The following IL4I1 variants were observed in gnomAD, a reference collection of about 807,000 sequenced individuals.
IL4I1 encodes L-amino-acid oxidase.
Under a neutral mutation model 29.7 loss-of-function variants are expected in IL4I1, and 24 were observed. The observed-to-expected ratio is 0.81, with a 90% CI of 0.59 to 1.14. IL4I1 has a LOEUF of 1.14. IL4I1 is among the 50% of genes most tolerant of loss of function. The pLI is 0.00. For missense variants in IL4I1, 686 were observed against 785.6 expected (o/e 0.87, Z 1.52); for synonymous variants, 371 against 352.5 (o/e 1.05, Z -0.59).
chr19:49,900,885 A>C (rs1471853943), upstream of IL4I1, among the ~76,000 whole-genome samples: 1 of 152,202 alleles, frequency 6.6e-6, no homozygotes, highest in Non-Finnish European at 1.5e-5. Flanking sequence ...CTAGAACCAC[A>C]ATGATGGTTT....
chr19:49,896,189 T>G lies in IL4I1; in HGVS notation c.-22-7A>C, dbSNP rs1204117290. The G allele has an allele frequency of 6.8e-7, 1 of 1,462,728 alleles. No homozygotes were observed. The allele number at this position is 1,462,728 out of a possible 1,614,324, so 90.6% of individuals were successfully genotyped here. A position where few individuals can be genotyped will look rare whatever the true frequency, so the allele number is the denominator to read the frequency against. On this transcript the variant is annotated splice_region_variant and splice_polypyrimidine_tract_variant and intron_variant, in intron 1 of 7. Coordinates refer to ENST00000391826, the MANE Select transcript of IL4I1 (RefSeq NM_152899.2). ...TCTCGGTGGGAGATGGTGTCTGGGGTGGAGGAGAAGGGAGGGCTGTTGTGA... is the reference window on the plus strand; with the variant it reads ...TCTCGGTGGGAGATGGTGTCTGGGGGGGAGGAGAAGGGAGGGCTGTTGTGA...
intron 5 of IL4I1, among the ~76,000 whole-genome samples, chr19:49,892,244 G>A (rs2075149344): frequency 6.6e-6 from 1 of 151,854 alleles, no homozygotes; most frequent in Admixed American, 6.6e-5. Context: ...ACCACACCTG[G>A]CTCATTTTTG....
At chr19:49,895,703 C>CCCCAACCCCCCCCCCCCCCCCCCA in intron 3 of IL4I1, 112 bp downstream of exon 3, 1 of 754,232 alleles carries the variant, frequency 1.3e-6, no homozygotes, top group Non-Finnish European at 2.2e-6. Context: ...GCCTCTCCCC[C>CCCCAACCCCCCCCCCCCCCCCCCA]CACATCCCCA....
At chr19:49,908,985 C>T in intron 2 of IL4I1, 1 of 1,609,246 alleles carries the variant, frequency 6.2e-7, no homozygotes. Flanking sequence ...GTGGCGGTGG[C>T]AGCGGTGGAT....
chr19:49,919,414 T>A (rs1182273500), intron 2 of IL4I1, among the ~76,000 whole-genome samples: 1 of 152,176 alleles, frequency 6.6e-6, no homozygotes, highest in African/African-American at 2.4e-5. Context: ...TTATGTATCT[T>A]AGAAATCGTT....
intron 2 of IL4I1, among the ~76,000 whole-genome samples, chr19:49,915,134 AG>A (rs762621567): frequency 6.6e-6 from 1 of 152,104 alleles, no homozygotes; most frequent in Non-Finnish European, 1.5e-5. Flanking sequence ...AGGAAGAATT[AG>A]GAAGGATGTG....
chr19:49,901,552 G>A (rs906295220), upstream of IL4I1: 2 of 870,640 alleles, frequency 2.3e-6, no homozygotes, highest in African/African-American at 1.7e-5. Flanking sequence ...CCAATCTTTG[G>A]CCTGACCCCA....
Position 49,896,071 on chromosome 19 carries a change from G to C in IL4I1, c.14-18C>G. The C allele has an allele frequency of 6.2e-7, 1 of 1,611,000 alleles. No homozygotes were observed. The highest frequency in any genetic ancestry group is 8.5e-7 in the Non-Finnish European group (1 of 1,178,324). ...GTGCAGGGCTGGGAGGAGGAGGACA[G>C]GGTCAACGGGGTTGTGGCAGGTCGG... On this transcript the variant is annotated intron_variant, in intron 2 of 7. Transcript: ENST00000391826.
Position 49,908,710 on chromosome 19 carries a change from G to T in IL4I1, c.-227-4389C>A, listed in dbSNP as rs564436380. The T allele has an allele frequency of 4.3e-6, 7 of 1,612,630 alleles. No homozygotes were observed. The African/African-American group carries it at 5.3e-5, about 12-fold the overall frequency. On this transcript the variant is annotated intron_variant, in intron 2 of 9. Transcript: ENST00000341114. ...GGCTGGTGATCTTTTCTCCATTCTC[G>T]ATCAGCGTGCGGTCCCAGGCGTTGA...
Position 49,891,018 on chromosome 19 carries a change from G to T in IL4I1, c.726C>A (p.Ser242Arg). 3 of 1,606,608 alleles carry T rather than the reference G, an allele frequency of 1.9e-6. No individual in the cohort carries two copies. The highest frequency in any genetic ancestry group is 1.7e-4 in the Middle Eastern group (1 of 6,020). The change falls in exon 7 of 8, where the codon AGC becomes AGA. Residue 242 changes from serine to arginine, a missense_variant. Ser to Arg is a moderately radical substitution (Grantham distance 110). Coordinates refer to ENST00000391826, the MANE Select transcript of IL4I1 (RefSeq NM_152899.2). ...VMSEDGFFYL[S>R]FAEALRAHSC... is the part of the protein sequence containing the mutation. The stretch of plus-strand genomic sequence containing the variant: ...TGTGGGCCCGGAGGGCCTCGGCGAA[G>T]CTGAGATAGAAGAAGCCATCCTCGG...
intron 2 of IL4I1, chr19:49,907,395 T>A (rs758048701): frequency 2.0e-4 from 76 of 376,134 alleles, no homozygotes; most frequent in Non-Finnish European, 3.4e-4. Context: ...TGCAGGCCCC[T>A]CAGCTGACCT....
rs758442007 is a variant in IL4I1, at chr19:49,891,061, A to G, written c.683T>C (p.Leu228Pro). 19 of 1,613,428 alleles carry G rather than the reference A, an allele frequency of 1.2e-5. No homozygotes were observed. Among genetic ancestry groups the G allele is most frequent in the African/African-American group, 5.3e-5 (4 of 74,870 alleles). Residue 228 changes from leucine (L) to proline (P), a missense_variant, in exon 7 of 8, where the codon CTT becomes CCT. By Grantham distance (98) the Leu-to-Pro change is moderately conservative (BLOSUM62 -3). Transcript: ENST00000391826. ...EGNLSRPAVQLLGDVMSEDGF... is the reference protein window; with the variant it reads ...EGNLSRPAVQPLGDVMSEDGF... Reference sequence around the variant, plus strand: ...ATCCTCGGACATCACGTCTCCCAGAAGCTGCACGGCCGGCCGGCTCAGGTT... The same window carrying G: ...ATCCTCGGACATCACGTCTCCCAGAGGCTGCACGGCCGGCCGGCTCAGGTT...
At chr19:49,910,841 C>A (rs567840607) in intron 2 of IL4I1, among the ~76,000 whole-genome samples, 1 of 152,182 alleles carries the variant, frequency 6.6e-6, no homozygotes, top group South Asian at 2.1e-4. Context: ...GTGGTGCCAT[C>A]TATCAGCAGG....
At chr19:49,909,860 G>A (rs926035240) in intron 2 of IL4I1, 17 of 1,573,090 alleles carry the variant, frequency 1.1e-5, no homozygotes, top group African/African-American at 8.1e-5. Flanking sequence ...CAAATCCGTC[G>A]GTGTCTGCAG....
chr19:49,914,726 G>GTATTTTT (rs2075575543), intron 2 of IL4I1, among the ~76,000 whole-genome samples: 1 of 56,362 alleles, frequency 1.8e-5, no homozygotes, highest in Non-Finnish European at 3.2e-5. Flanking sequence ...CCAAGTCCCA[G>GTATTTTT]TTTTTTTTTT....
At position 49,889,691 on chromosome 19, in the gene IL4I1, G is replaced by C. The variant is rs754147338; in HGVS notation, c.1683C>G (p.Thr561=). 6.7e-7 allele frequency: 1 copy of C among 1,501,988 alleles called. No homozygotes were observed. Among genetic ancestry groups the C allele is most frequent in the South Asian group, 1.4e-5 (1 of 72,390 alleles). The allele number at this position is 1,501,988 out of a possible 1,614,324, so 93.0% of individuals were successfully genotyped here. The stretch of plus-strand genomic sequence containing the variant: ...TACTTTAATGCGAGGTCCTCGTGTG[G>C]GTCGTGTTTTGGAGAGATAACTGGC... The part of the protein sequence containing the change: ...VQGQLSLQNT[T]HTRTSH The change falls in exon 8 of 8, where the codon ACC becomes ACG. Residue 561 remains threonine, a synonymous_variant. Transcript: ENST00000391826.
chr19:49,895,429 C>T (rs1217902605), intron 3 of IL4I1, among the ~76,000 whole-genome samples: 1 of 152,160 alleles, frequency 6.6e-6, no homozygotes, highest in East Asian at 1.9e-4. Context: ...GGAGATGACC[C>T]ATATGCGTAG....
At chr19:49,927,413 G>A (rs1301617794) in intron 2 of IL4I1, among the ~76,000 whole-genome samples, 1 of 152,058 alleles carries the variant, frequency 6.6e-6, no homozygotes, top group South Asian at 2.1e-4. Context: ...CAAAAAATTC[G>A]CATGTTTTGG....
chr19:49,911,050 G>C (rs1461486297), intron 2 of IL4I1: 2 of 152,226 alleles, frequency 1.3e-5, no homozygotes, highest in Admixed American at 6.5e-5. Context: ...GACTACAGGT[G>C]CATGCCACCA....
Sources: allele counts gnomAD v4.1 joint callset (sites outside exome capture counted in the v4.1 genomes callset), GRCh38; gene constraint gnomAD v4.1.1; transcripts MANE v1.5; gene names NCBI Gene and HGNC (gene_info 2026-07-23, HGNC 2026-07-21).